NIM1K: variants seen among roughly 807,000 people sequenced by gnomAD.
The protein encoded by NIM1K is serine/threonine-protein kinase NIM1.
In NIM1K, 35 loss-of-function variants were observed where a neutral mutation model predicts 37.1. The observed-to-expected ratio is 0.94, with a 90% CI of 0.72 to 1.25. The LOEUF is 1.25. Ranked by LOEUF, NIM1K falls within the 50% of genes most tolerant of loss-of-function variation. The probability of loss-of-function intolerance (pLI) is 0.00; values close to 1 mark genes in which losing one functional copy is unlikely to be tolerated. For missense variants in NIM1K, 564 were observed against 548.0 expected (o/e 1.03, Z -0.29); for synonymous variants, 234 against 206.6 (o/e 1.13, Z -1.14).
intron 1 of NIM1K, among the ~76,000 whole-genome samples, chr5:43,194,509 A>C (rs569649829): frequency 4.6e-5 from 7 of 152,216 alleles, no homozygotes; most frequent in Non-Finnish European, 1.0e-4. Context: ...GGTTTATATG[A>C]AATCTGAATT....
chr5:43,221,183 A>C lies in NIM1K; in HGVS notation c.-694-23899A>C, dbSNP rs541479887. Among the ~76,000 whole-genome samples the C allele has an allele frequency of 1.3e-4, 20 of 152,308 alleles. 1 individual carries two copies. In the South Asian group the frequency reaches 1.5e-3, roughly 11 times the overall value. On this transcript the variant is annotated intron_variant, in intron 1 of 3. Transcript: ENST00000326035. ...GAGTGCCTTTCTGATTTGTCAAAAG[A>C]AAAACCTTAGGCTGGGTGCTGTGGC...
chr5:43,265,874 A>G (rs947098921), intron 2 of NIM1K, among the ~76,000 whole-genome samples: 1 of 152,122 alleles, frequency 6.6e-6, no homozygotes, highest in Admixed American at 6.5e-5. Context: ...GGTCTGTTGG[A>G]GTTTGCTGGA....
At chr5:43,229,804 T>C (rs1232721233) in intron 1 of NIM1K, among the ~76,000 whole-genome samples, 1 of 151,360 alleles carries the variant, frequency 6.6e-6, no homozygotes, top group Non-Finnish European at 1.5e-5. Flanking sequence ...GCCCAACTAA[T>C]TTTTGTATTT....
At position 43,267,669 on chromosome 5, in the gene NIM1K, A is replaced by C. The variant is rs562577351; in HGVS notation, c.293-9388A>C. Among the ~76,000 whole-genome samples the C allele has an allele frequency of 2.0e-5, 3 of 152,292 alleles. No individual in the cohort carries two copies. The East Asian group carries it at 5.8e-4, about 29-fold the overall frequency. On this transcript the variant is annotated intron_variant, in intron 2 of 3. Transcript: ENST00000326035. ...CTGTGTCATATTATCATTCATTTCA[A>C]GTAATTTTTAAATGTTCATCTTTAT...
chr5:43,255,150 A>G (rs933786395), intron 2 of NIM1K, among the ~76,000 whole-genome samples: 1 of 152,210 alleles, frequency 6.6e-6, no homozygotes, highest in Non-Finnish European at 1.5e-5. Context: ...AGAAATCATG[A>G]TTATGAAGAC....
chr5:43,257,035 T>C (rs577304346), intron 2 of NIM1K, among the ~76,000 whole-genome samples: 2 of 152,064 alleles, frequency 1.3e-5, no homozygotes, highest in South Asian at 4.2e-4. Flanking sequence ...AAGGAGGTGA[T>C]TGTAGAGAAG....
intron 1 of NIM1K, among the ~76,000 whole-genome samples, chr5:43,222,291 A>C (rs1331651254): frequency 1.3e-5 from 2 of 152,226 alleles, no homozygotes; most frequent in African/African-American, 4.8e-5. Context: ...GGATGAATTT[A>C]TAATAATCAA....
intron 2 of NIM1K, among the ~76,000 whole-genome samples, chr5:43,246,433 C>T (rs181905641): frequency 4.6e-5 from 7 of 152,050 alleles, no homozygotes; most frequent in Admixed American, 4.6e-4. Flanking sequence ...TGGAGTGGAG[C>T]GTGGCTTGGA....
intron 1 of NIM1K, among the ~76,000 whole-genome samples, chr5:43,209,084 AC>A (rs1752167737): frequency 6.6e-6 from 1 of 152,204 alleles, no homozygotes; most frequent in African/African-American, 2.4e-5. Context: ...GAAGCGACTA[AC>A]ACATCACACC....
rs775438397 is a variant in NIM1K, at chr5:43,277,205, C to T, written c.441C>T (p.His147=). 5 of 1,613,976 alleles carry T rather than the reference C, an allele frequency of 3.1e-6. No individual in the cohort carries two copies. Among genetic ancestry groups the T allele is most frequent in the Non-Finnish European group, 4.2e-6 (5 of 1,180,006 alleles). The change falls in exon 3 of 4, where the codon CAC becomes CAT. Residue 147 remains histidine, a synonymous_variant. Coordinates refer to ENST00000326035, the MANE Select transcript of NIM1K (RefSeq NM_153361.4). Reference sequence around the variant, plus strand: ...TGGTGGAGACCCTATCCAAGCTGCACTTGGTGATGGAGTATGCAGGGGGTG... The same window carrying T: ...TGGTGGAGACCCTATCCAAGCTGCATTTGGTGATGGAGTATGCAGGGGGTG... ...YEVVETLSKL[H]LVMEYAGGGE...
intron 1 of NIM1K, among the ~76,000 whole-genome samples, chr5:43,213,167 TTCTTTC>T (rs1752229757): frequency 2.1e-5 from 1 of 48,062 alleles, no homozygotes; most frequent in Admixed American, 1.9e-4. Flanking sequence ...CTTTCTTTTT[TTCTTTC>T]TTTCTTTCTT....
At chr5:43,196,599 C>T (rs1349495871) in intron 1 of NIM1K, among the ~76,000 whole-genome samples, 1 of 152,034 alleles carries the variant, frequency 6.6e-6, no homozygotes, top group African/African-American at 2.4e-5. Flanking sequence ...CGCGCCACTG[C>T]ACTCCAGCCT....
At chr5:43,212,921 AT>A (rs1752224232) in intron 1 of NIM1K, among the ~76,000 whole-genome samples, 1 of 152,216 alleles carries the variant, frequency 6.6e-6, no homozygotes, top group Non-Finnish European at 1.5e-5. Context: ...TATATTCTCA[AT>A]TATAGCTTCA....
At chr5:43,198,209 CTT>C (rs1751958160) in intron 1 of NIM1K, among the ~76,000 whole-genome samples, 7 of 60,204 alleles carry the variant, frequency 1.2e-4, no homozygotes, top group South Asian at 6.4e-4. Flanking sequence ...CTTTCTTTCT[CTT>C]TCTTTCTTTC....
intron 2 of NIM1K, among the ~76,000 whole-genome samples, chr5:43,265,899 C>G (rs1031648721): frequency 1.6e-4 from 24 of 152,202 alleles, no homozygotes; most frequent in African/African-American, 5.8e-4. Flanking sequence ...CACTTCAGAC[C>G]TGTTTGCCTG....
At chr5:43,215,322 T>C (rs1411324908) in intron 1 of NIM1K, among the ~76,000 whole-genome samples, 1 of 152,224 alleles carries the variant, frequency 6.6e-6, no homozygotes, top group East Asian at 1.9e-4. Context: ...GGGAGGGAAG[T>C]GTGCCTAATT....
chr5:43,218,555 G>A (rs1752338244), intron 1 of NIM1K, among the ~76,000 whole-genome samples: 1 of 151,984 alleles, frequency 6.6e-6, no homozygotes, highest in South Asian at 2.1e-4. Context: ...AGAGGAGGAG[G>A]TGCCATGCTC....
intron 3 of NIM1K, 65 bp from the exon 4 acceptor site, chr5:43,279,909 GAGCAAC>G: frequency 8.0e-7 from 1 of 1,254,550 alleles, no homozygotes; most frequent in Non-Finnish European, 1.1e-6. Context: ...CACTGTTTCA[GAGCAAC>G]TGATACATTT....
chr5:43,266,553 G>C (rs968187366), intron 2 of NIM1K, among the ~76,000 whole-genome samples: 3 of 152,208 alleles, frequency 2.0e-5, no homozygotes, highest in African/African-American at 2.4e-5. Context: ...GGGATTCCCT[G>C]ACCCCTTGCA....
Sources: gnomAD v4.1 joint callset for allele counts (sites outside exome capture counted in the v4.1 genomes callset) on GRCh38, gnomAD v4.1.1 for gene constraint, MANE v1.5 for transcripts, NCBI Gene and HGNC (gene_info 2026-07-23, HGNC 2026-07-21) for gene names.